CTIF: variants seen among roughly 807,000 people sequenced by gnomAD.
CTIF encodes the protein cap binding complex dependent translation initiation factor.
A neutral mutation model predicts 66.0 loss-of-function variants in CTIF; 21 were observed. That is an observed-to-expected ratio of 0.32 (90% CI 0.23 to 0.46). CTIF has a LOEUF of 0.46. Among genes scored for constraint, CTIF ranks in the 20% least tolerant of loss-of-function variants. The pLI is 1.00. For missense variants in CTIF, 739 were observed against 812.7 expected (o/e 0.91, Z 1.10); for synonymous variants, 345 against 326.4 (o/e 1.06, Z -0.62).
intron 2 of CTIF, chr18:48,625,248 G>C (rs2090573143): frequency 1.0e-6 from 1 of 983,178 alleles, no homozygotes; most frequent in Non-Finnish European, 1.2e-6. Context: ...TGAGTTTATA[G>C]GAGGACTGCG....
chr18:48,615,675 C>T (rs1190577521), intron 1 of CTIF, among the ~76,000 whole-genome samples: 2 of 152,216 alleles, frequency 1.3e-5, no homozygotes, highest in East Asian at 1.9e-4. Flanking sequence ...TGAGGGCAGC[C>T]GCATGGGGCG....
intron 7 of CTIF, among the ~76,000 whole-genome samples, chr18:48,718,415 T>C (rs1220347987): frequency 6.6e-6 from 1 of 152,178 alleles, no homozygotes; most frequent in Non-Finnish European, 1.5e-5. Context: ...TGCCATCTGC[T>C]GCAAGCTAGA....
intron 9 of CTIF, among the ~76,000 whole-genome samples, chr18:48,769,561 G>T (rs1442261557): frequency 6.6e-6 from 1 of 152,250 alleles, no homozygotes; most frequent in African/African-American, 2.4e-5. Flanking sequence ...GCCTCGTCAG[G>T]CTGGCCTGGC....
intron 7 of CTIF, among the ~76,000 whole-genome samples, chr18:48,722,298 C>G (rs1390541700): frequency 6.6e-6 from 1 of 151,126 alleles, no homozygotes; most frequent in East Asian, 1.9e-4. Flanking sequence ...TCACGACAGC[C>G]TCGACCTGCT....
At chr18:48,597,247 C>T (rs933861036) in intron 1 of CTIF, among the ~76,000 whole-genome samples, 5 of 152,212 alleles carry the variant, frequency 3.3e-5, no homozygotes, top group South Asian at 2.1e-4. Flanking sequence ...GTTAAGGGAA[C>T]CACAGCCTCC....
chr18:48,669,422 T>A (rs577049775), intron 5 of CTIF, among the ~76,000 whole-genome samples: 1 of 152,114 alleles, frequency 6.6e-6, no homozygotes, highest in East Asian at 1.9e-4. Flanking sequence ...TTTGCCTCAT[T>A]TATTTAAAAC....
intron 7 of CTIF, among the ~76,000 whole-genome samples, chr18:48,747,815 C>T (rs964158329): frequency 1.6e-4 from 25 of 151,726 alleles, no homozygotes; most frequent in Admixed American, 9.9e-4. Flanking sequence ...CTACTTGGGA[C>T]GCTGAGGTGG....
chr18:48,759,816 A>C (rs148517663), intron 8 of CTIF, among the ~76,000 whole-genome samples: 2 of 152,336 alleles, frequency 1.3e-5, no homozygotes, highest in Non-Finnish European at 2.9e-5. Flanking sequence ...GGAACAGAGA[A>C]GGTAGATCTA....
At chr18:48,652,661 G>A (rs984357053) in intron 3 of CTIF, among the ~76,000 whole-genome samples, 17 of 152,224 alleles carry the variant, frequency 1.1e-4, no homozygotes, top group Non-Finnish European at 1.9e-4. Flanking sequence ...ACCAAAGCCC[G>A]GCAGAGACAC....
intron 2 of CTIF, among the ~76,000 whole-genome samples, chr18:48,634,054 C>G (rs1017566112): frequency 1.3e-5 from 2 of 152,236 alleles, no homozygotes; most frequent in African/African-American, 4.8e-5. Flanking sequence ...CACATCTCCT[C>G]TTTCCCTTCC....
chr18:48,845,406 T>G (rs1160574598), intron 10 of CTIF, among the ~76,000 whole-genome samples: 3 of 152,210 alleles, frequency 2.0e-5, no homozygotes, highest in South Asian at 2.1e-4. Flanking sequence ...CTCTCTGAGC[T>G]TTGACACTGG....
chr18:48,752,901 C>T (rs1319220337), intron 7 of CTIF, among the ~76,000 whole-genome samples: 3 of 152,320 alleles, frequency 2.0e-5, no homozygotes, highest in Admixed American at 2.0e-4. Flanking sequence ...GAAAACCTCC[C>T]CTCCCTTATA....
chr18:48,556,202 T>A (rs2089017454), intron 1 of CTIF, among the ~76,000 whole-genome samples: 2 of 152,180 alleles, frequency 1.3e-5, no homozygotes, highest in South Asian at 4.1e-4. Flanking sequence ...CTGCCTTAGA[T>A]GGATTCTCAG....
At chr18:48,838,456 T>A (rs1248819283) in intron 10 of CTIF, among the ~76,000 whole-genome samples, 1 of 152,162 alleles carries the variant, frequency 6.6e-6, no homozygotes, top group Non-Finnish European at 1.5e-5. Context: ...AGGCAGATAC[T>A]GGAGAAAATC....
In CTIF at chr18:48,845,899, T is replaced by C. The variant is rs531062669; in HGVS notation, c.1528-11689T>C. ...AACATATTCTGCCTCTTAAATATCC[T>C]CCTCCCTTCCTGCCAGCCTTAATTC... On this transcript the variant is annotated intron_variant, in intron 10 of 11. Transcript: ENST00000256413. Among the ~76,000 whole-genome samples the C allele has an allele frequency of 7.9e-5, 12 of 152,180 alleles. No homozygotes were observed. In the South Asian group the frequency reaches 2.5e-3, roughly 32 times the overall value.
intron 1 of CTIF, among the ~76,000 whole-genome samples, chr18:48,577,525 TATAAC>T (rs571478320): frequency 2.2e-3 from 334 of 152,304 alleles, no homozygotes; most frequent in African/African-American, 7.0e-3. Flanking sequence ...AAAAAATTCA[TATAAC>T]ATAACATTCA....
intron 10 of CTIF, among the ~76,000 whole-genome samples, chr18:48,827,067 C>T (rs959552279): frequency 6.6e-6 from 1 of 152,098 alleles, no homozygotes; most frequent in Non-Finnish European, 1.5e-5. Flanking sequence ...CATGGCCCAT[C>T]TGGGTGGTAA....
intron 9 of CTIF, among the ~76,000 whole-genome samples, chr18:48,787,363 G>A (rs1254601844): frequency 6.6e-6 from 1 of 152,130 alleles, no homozygotes; most frequent in Non-Finnish European, 1.5e-5. Flanking sequence ...AGAAAGGAAG[G>A]AAGGAGGGCA....
rs192131910 is a variant in CTIF at position 48,661,997 on chromosome 18, C to G, written c.253-1755C>G. 1.8e-4 allele frequency: 28 copies of G among 152,364 alleles called. No individual in the cohort carries two copies. In the East Asian group the frequency reaches 5.0e-3, roughly 27 times the overall value. The allele number at this position is 152,364 out of a possible 1,614,324, so 9.4% of individuals were successfully genotyped here. A position where few individuals can be genotyped will look rare whatever the true frequency, so the allele number is the denominator to read the frequency against. ...GTCCCTGCCATCAAGGGCCCGCTATCTCCTGTGGGAGAGAGGTCACTACAG... is the reference window on the plus strand; with the variant it reads ...GTCCCTGCCATCAAGGGCCCGCTATGTCCTGTGGGAGAGAGGTCACTACAG... On this transcript the variant is annotated intron_variant, in intron 3 of 11. Coordinates refer to ENST00000256413, the MANE Select transcript of CTIF (RefSeq NM_014772.3).
Sources: gnomAD v4.1 joint callset for allele counts (sites outside exome capture counted in the v4.1 genomes callset) on GRCh38, gnomAD v4.1.1 for gene constraint, MANE v1.5 for transcripts, NCBI Gene and HGNC (gene_info 2026-07-23, HGNC 2026-07-21) for gene names.